The following CNBD1 variants were observed in gnomAD, a reference collection of about 807,000 sequenced individuals.
CNBD1 encodes cyclic nucleotide binding domain containing 1.
Under a neutral mutation model 54.4 loss-of-function variants are expected in CNBD1, and 71 were observed. That is an observed-to-expected ratio of 1.30 (90% CI 1.08 to 1.59). CNBD1 has a LOEUF of 1.59. CNBD1 is among the 40% of genes most tolerant of loss of function. CNBD1 has a pLI of 0.00. For missense variants in CNBD1, 659 were observed against 518.0 expected (o/e 1.27, Z -2.64); for synonymous variants, 182 against 170.7 (o/e 1.07, Z -0.51).
chr8:86,887,306 G>A (rs142191587), intron 1 of CNBD1, among the ~76,000 whole-genome samples: 119 of 151,784 alleles, frequency 7.8e-4, no homozygotes, highest in African/African-American at 2.8e-3. Flanking sequence ...GCATTTACTG[G>A]AAATAAAAAA....
intron 2 of CNBD1, among the ~76,000 whole-genome samples, chr8:86,895,107 C>A (rs925229060): frequency 1.3e-5 from 2 of 152,164 alleles, no homozygotes; most frequent in African/African-American, 4.8e-5. Context: ...ATGACTCAAT[C>A]ACCTTTATTA....
intron 4 of CNBD1, among the ~76,000 whole-genome samples, chr8:86,966,691 A>G (rs1808083680): frequency 6.6e-6 from 1 of 152,012 alleles, no homozygotes; most frequent in Admixed American, 6.6e-5. Flanking sequence ...TCCTCCGGAT[A>G]GGTTTGTGGT....
In CNBD1 at chr8:87,401,426, G is replaced by A. The variant is rs116257151; in HGVS notation, c.214-27120G>A. On this transcript the variant is annotated intron_variant, in intron 2 of 7. Transcript: ENST00000521593. ...TTAACCACAGATGCTAGAAGCTTGG[G>A]CTGCTCTATTGGGTGACCAAGGAAT... Among the ~76,000 whole-genome samples, 234 of 152,180 alleles carry A rather than the reference G, an allele frequency of 1.5e-3. 1 individual carries two copies. Among genetic ancestry groups the A allele is most frequent in the Non-Finnish European group, 2.4e-3 (166 of 67,970 alleles).
chr8:86,871,382 G>A (rs1482058029), intron 1 of CNBD1, among the ~76,000 whole-genome samples: 2 of 152,194 alleles, frequency 1.3e-5, no homozygotes, highest in Admixed American at 1.3e-4. Flanking sequence ...CTGATCTCTG[G>A]TCTTCCTTCC....
chr8:87,059,343 T>C (rs374060354), intron 4 of CNBD1, among the ~76,000 whole-genome samples: 2 of 152,328 alleles, frequency 1.3e-5, no homozygotes, highest in East Asian at 3.9e-4. Flanking sequence ...CCTCTGCCTA[T>C]TACCTATTTC....
downstream of CNBD1, among the ~76,000 whole-genome samples, chr8:87,386,198 C>T (rs1359853657): frequency 1.3e-5 from 2 of 152,136 alleles, no homozygotes; most frequent in Non-Finnish European, 2.9e-5. Flanking sequence ...CTCTAAAAAT[C>T]AGAGCACCTC....
At chr8:87,097,404 A>G (rs927568653) in intron 4 of CNBD1, among the ~76,000 whole-genome samples, 1 of 152,188 alleles carries the variant, frequency 6.6e-6, no homozygotes, top group East Asian at 1.9e-4. Context: ...TTCATATCCA[A>G]GAGTGACTGA....
At chr8:86,882,342 G>A (rs529885875) in intron 1 of CNBD1, among the ~76,000 whole-genome samples, 28 of 151,754 alleles carry the variant, frequency 1.8e-4, no homozygotes, top group South Asian at 6.3e-4. Context: ...AAAAACAACC[G>A]CATTAAAAAG....
intron 4 of CNBD1, among the ~76,000 whole-genome samples, chr8:87,130,619 A>T (rs1041003761): frequency 6.6e-6 from 1 of 152,118 alleles, no homozygotes; most frequent in African/African-American, 2.4e-5. Context: ...TTTACAAAAA[A>T]TACAACAAAA....
intron 4 of CNBD1, among the ~76,000 whole-genome samples, chr8:86,958,983 G>A (rs557824312): frequency 8.5e-5 from 13 of 152,226 alleles, no homozygotes; most frequent in Non-Finnish European, 1.6e-4. Flanking sequence ...GCAGTGGCTG[G>A]TACCGGTTGT....
chr8:86,925,339 T>C (rs1809339782), intron 3 of CNBD1, among the ~76,000 whole-genome samples: 1 of 152,178 alleles, frequency 6.6e-6, no homozygotes, highest in African/African-American at 2.4e-5. Flanking sequence ...TGAATTTAAT[T>C]AGTATTTTTA....
intron 4 of CNBD1, among the ~76,000 whole-genome samples, chr8:86,969,819 CACATAT>C (rs1808180099): frequency 7.5e-6 from 1 of 132,720 alleles, no homozygotes. Context: ...CACACACACA[CACATAT>C]ATATAGTGTG....
intron 4 of CNBD1, among the ~76,000 whole-genome samples, chr8:87,045,940 C>A (rs568540275): frequency 6.7e-6 from 1 of 149,292 alleles, no homozygotes; most frequent in Non-Finnish European, 1.5e-5. Flanking sequence ...ATTCAGGAAG[C>A]TGAGGCAGGG....
intron 3 of CNBD1, among the ~76,000 whole-genome samples, chr8:86,938,013 A>T (rs1586148103): frequency 6.6e-6 from 1 of 152,194 alleles, no homozygotes; most frequent in Admixed American, 6.5e-5. Flanking sequence ...ATAAAGCTGA[A>T]TGCATTTAAT....
At chr8:87,373,380 G>C (rs1294766435) in intron 10 of CNBD1, among the ~76,000 whole-genome samples, 2 of 151,748 alleles carry the variant, frequency 1.3e-5, no homozygotes, top group African/African-American at 4.8e-5. Flanking sequence ...AGTGCTGCTA[G>C]GCAGAATTTT....
chr8:87,177,498 TC>T (rs1813224636), intron 4 of CNBD1, among the ~76,000 whole-genome samples: 2 of 152,202 alleles, frequency 1.3e-5, no homozygotes, highest in South Asian at 4.1e-4. Flanking sequence ...ATTGCATAGT[TC>T]TAAATTCTAC....
At chr8:86,983,874 G>T (rs1193794586) in intron 4 of CNBD1, among the ~76,000 whole-genome samples, 1 of 152,162 alleles carries the variant, frequency 6.6e-6, no homozygotes, top group African/African-American at 2.4e-5. Flanking sequence ...TGATAGAAAA[G>T]AAAATCCCAT....
At chr8:87,219,419 G>T (rs1385406125) in intron 5 of CNBD1, among the ~76,000 whole-genome samples, 5 of 151,996 alleles carry the variant, frequency 3.3e-5, no homozygotes, top group African/African-American at 4.8e-5. Context: ...ACTGATAACA[G>T]TGTGGTCTTG....
chr8:87,265,385 G>A (rs1185973389), intron 6 of CNBD1, among the ~76,000 whole-genome samples: 1 of 152,130 alleles, frequency 6.6e-6, no homozygotes, highest in Admixed American at 6.6e-5. Context: ...CCAGTACCAT[G>A]CTGTTTTGGT....
Sources: gnomAD v4.1 joint callset for allele counts (sites outside exome capture counted in the v4.1 genomes callset) on GRCh38, gnomAD v4.1.1 for gene constraint, MANE v1.5 for transcripts, NCBI Gene and HGNC (gene_info 2026-07-23, HGNC 2026-07-21) for gene names.